The following PKD1L1 variants were observed in gnomAD, a reference collection of about 807,000 sequenced individuals.
The protein encoded by PKD1L1 is polycystin 1 like 1, transient receptor potential channel interacting.
In PKD1L1, 236 loss-of-function variants were observed where a neutral mutation model predicts 323.4. The ratio of observed to expected loss-of-function variants is 0.73; its 90% CI spans 0.66 to 0.81. The LOEUF is 0.81. Ranked by LOEUF, PKD1L1 falls within the 40% of genes least tolerant of loss-of-function variation. The probability of loss-of-function intolerance (pLI) is 0.00; values close to 1 mark genes in which losing one functional copy is unlikely to be tolerated. For missense variants in PKD1L1, 3,320 were observed against 3,508.0 expected (o/e 0.95, Z 1.35); for synonymous variants, 1,344 against 1,335.0 (o/e 1.01, Z -0.15).
chr7:47,908,551 G>A (rs767205224), intron 8 of PKD1L1, among the ~76,000 whole-genome samples: 17 of 152,120 alleles, frequency 1.1e-4, no homozygotes, highest in Non-Finnish European at 2.2e-4. Flanking sequence ...TGTGAATTAC[G>A]TTGCCAATCC....
chr7:47,834,324 T>A lies in PKD1L1; in HGVS notation c.6174+15A>T, dbSNP rs756178269. 6.2e-6 allele frequency: 10 copies of A among 1,611,340 alleles called. No individual in the cohort carries two copies. The highest frequency in any genetic ancestry group is 8.5e-6 in the Non-Finnish European group (10 of 1,177,778). The stretch of plus-strand genomic sequence containing the variant: ...ATGCTAGAAGATTAGCTGCTGCGCA[T>A]AATGATTGATTTACCTTGCGTGGCT... On this transcript the variant is annotated intron_variant, in intron 40 of 56. Transcript: ENST00000289672.
chr7:47,935,712 G>C (rs1787855835), intron 4 of PKD1L1, among the ~76,000 whole-genome samples: 1 of 152,198 alleles, frequency 6.6e-6, no homozygotes, highest in African/African-American at 2.4e-5. Flanking sequence ...CATGGTGCCA[G>C]CCACATGCTC....
In PKD1L1 at chr7:47,854,913, T is replaced by G; in HGVS notation, c.4828A>C (p.Thr1610Pro). The G allele has an allele frequency of 6.2e-7, 1 of 1,614,154 alleles. No homozygotes were observed. The highest frequency in any genetic ancestry group is 8.5e-7 in the Non-Finnish European group (1 of 1,180,034). The change falls in exon 30 of 57, where the codon ACA becomes CCA. Residue 1610 changes from threonine (T) to proline (P), a missense_variant. By Grantham distance (38) the Thr-to-Pro change is conservative. Coordinates refer to ENST00000289672, the MANE Select transcript of PKD1L1 (RefSeq NM_138295.5). Reference sequence around the variant, plus strand: ...AGCAACATGACGGGAAATGCCCTTGTAACAGGTTTGGAAAATTCAATTTCT... The same window carrying G: ...AGCAACATGACGGGAAATGCCCTTGGAACAGGTTTGGAAAATTCAATTTCT... ...QIEIEFSKPVTRAFPVMLLVR... is the reference protein window; with the variant it reads ...QIEIEFSKPVPRAFPVMLLVR...
chr7:47,819,873 C>A, intron 46 of PKD1L1: 2 of 241,550 alleles, frequency 8.3e-6, no homozygotes, highest in South Asian at 4.5e-5. Flanking sequence ...CTCACTTCTG[C>A]CAAAAAATCC....
At chr7:47,920,708 A>T (rs1198019931) in intron 7 of PKD1L1, among the ~76,000 whole-genome samples, 1 of 152,228 alleles carries the variant, frequency 6.6e-6, no homozygotes, top group Non-Finnish European at 1.5e-5. Flanking sequence ...AGACCAATGG[A>T]ACAGAATAGA....
In PKD1L1 at chr7:47,890,656, T is replaced by G. The variant is rs760186019; in HGVS notation, c.2561A>C (p.Gln854Pro). 3 of 1,614,114 alleles carry G rather than the reference T, an allele frequency of 1.9e-6. No individual in the cohort carries two copies. Residue 854 changes from glutamine (Q) to proline (P), a missense_variant, in exon 16 of 57, where the codon CAA becomes CCA. Transcript: ENST00000289672. ...CTGATCATAGCTGTCACTGAGCCAT[T>G]GTGCCTCAAAGGAAACAGTGGGAGC... ...AAAPTVSFEA[Q>P]WLSDSYDQFL...
intron 4 of PKD1L1, among the ~76,000 whole-genome samples, chr7:47,933,891 G>A (rs560771040): frequency 2.2e-4 from 33 of 152,248 alleles, no homozygotes; most frequent in African/African-American, 7.7e-4. Context: ...GCAGTCACTC[G>A]TGATGAGAGC....
At chr7:47,804,813 A>G (rs1011842504) in intron 52 of PKD1L1, among the ~76,000 whole-genome samples, 1 of 152,108 alleles carries the variant, frequency 6.6e-6, no homozygotes, top group Non-Finnish European at 1.5e-5. Flanking sequence ...TAAGTTTATG[A>G]AGTCCAGTGA....
intron 56 of PKD1L1, among the ~76,000 whole-genome samples, chr7:47,785,737 T>TTCC (rs1786790814): frequency 6.8e-6 from 1 of 146,966 alleles, no homozygotes; most frequent in Admixed American, 6.9e-5. Context: ...CGAGTTGATA[T>TTCC]TTCTTTCTTT....
At chr7:47,928,736 T>C (rs2128755044) in intron 7 of PKD1L1, among the ~76,000 whole-genome samples, 1 of 152,014 alleles carries the variant, frequency 6.6e-6, no homozygotes, top group South Asian at 2.1e-4. Flanking sequence ...ATGTAAAGAA[T>C]TTTTTCTTAC....
chr7:47,842,127 T>C (rs1294671737), intron 34 of PKD1L1, among the ~76,000 whole-genome samples: 1 of 152,226 alleles, frequency 6.6e-6, no homozygotes, highest in East Asian at 1.9e-4. Flanking sequence ...AAATCTTCCT[T>C]TGTTAGGTTA....
chr7:47,857,495 A>C, intron 28 of PKD1L1, 110 bp downstream of exon 28: 1 of 903,326 alleles, frequency 1.1e-6, no homozygotes, highest in Non-Finnish European at 1.7e-6. Flanking sequence ...GCAAACATGC[A>C]AAAAACAGGT....
Position 47,948,157 on chromosome 7 carries a change from T to C in PKD1L1, c.44+240A>G, listed in dbSNP as rs539095599. Reference sequence around the variant, plus strand: ...CAGGAAGAGCAATCAGCACTTCTCATGGCTGAAGGCATCCGCTTGGAGGAG... The same window carrying C: ...CAGGAAGAGCAATCAGCACTTCTCACGGCTGAAGGCATCCGCTTGGAGGAG... On this transcript the variant is annotated intron_variant, in intron 1 of 56. Transcript: ENST00000289672. Among the ~76,000 whole-genome samples the C allele has an allele frequency of 1.9e-3, 294 of 152,242 alleles. 2 individuals are homozygous for C. The highest frequency in any genetic ancestry group is 6.8e-3 in the Middle Eastern group (2 of 294).
chr7:47,837,046 G>A lies in PKD1L1; in HGVS notation c.5818C>T (p.Leu1940=). 1 of 1,614,180 alleles carries A rather than the reference G, an allele frequency of 6.2e-7. No homozygotes were observed. The highest frequency in any genetic ancestry group is 8.5e-7 in the Non-Finnish European group (1 of 1,180,038). ...TEYLEDFHVW[L]SVYSRPSSSR... is the part of the protein sequence containing the mutation. ...GAGGAGGGCCTGCTGTACACCGACA[G>A]CCAGACATGGAAATCCTCCAGGTAC... The change falls in exon 37 of 57, where the codon CTG becomes TTG. Residue 1940 remains leucine, a synonymous_variant. Transcript: ENST00000289672.
chr7:47,881,926 T>G lies in PKD1L1; in HGVS notation c.3425A>C (p.Gln1142Pro). 1 of 1,601,168 alleles carries G rather than the reference T, an allele frequency of 6.2e-7. No individual in the cohort carries two copies. Among genetic ancestry groups the G allele is most frequent in the Non-Finnish European group, 8.5e-7 (1 of 1,176,004 alleles). Residue 1142 changes from glutamine (Q) to proline (P), a missense_variant, in exon 20 of 57, where the codon CAA becomes CCA. Transcript: ENST00000289672. ...ATTCATACCTGAGGATGAATAGCCT[T>G]GGAAAACTGCTCGACCCAGCAGGGC... ...PKALLGRAVF[Q>P]GYSSSGITEQ...
chr7:47,857,905 G>A (rs767422471), intron 27 of PKD1L1, 73 bp from the exon 28 acceptor site: 1 of 1,430,558 alleles, frequency 7.0e-7, no homozygotes, highest in Non-Finnish European at 9.6e-7. Context: ...CAGACTAGGA[G>A]AGAGGGGAAA....
In PKD1L1 at chr7:47,875,993, G is replaced by T. The variant is rs1214867886; in HGVS notation, c.3784+104C>A. 6 of 1,290,660 alleles carry T rather than the reference G, an allele frequency of 4.6e-6. No individual in the cohort carries two copies. The African/African-American group carries it at 7.6e-5, about 16-fold the overall frequency. 80.0% of individuals were successfully genotyped at this position (1,290,660 alleles called of 1,614,324 possible). ...ACTGAAAAGCATTAAACTGATCAAG[G>T]TGATTTTATTTTCTAGACACAGTTT... On this transcript the variant is annotated intron_variant, in intron 23 of 56. Transcript: ENST00000289672.
chr7:47,873,993 T>G lies in PKD1L1; in HGVS notation c.3802A>C (p.Ile1268Leu). ...DNYKVMVSTE[I>L]TDGKGSKVQP... ...ACCTTGGAGCCTTTGCCATCTGTGA[T>G]TTCAGTGGAAACCATGACTGTGAGG... The change falls in exon 24 of 57, where the codon ATC becomes CTC. Residue 1268 changes from isoleucine (I) to leucine (L), a missense_variant. Physicochemically the swap from Ile to Leu is conservative, Grantham distance 5. Coordinates refer to ENST00000289672, the MANE Select transcript of PKD1L1 (RefSeq NM_138295.5). 1 of 1,612,220 alleles carries G rather than the reference T, an allele frequency of 6.2e-7. No homozygotes were observed. Among genetic ancestry groups the G allele is most frequent in the Non-Finnish European group, 8.5e-7 (1 of 1,178,510 alleles).
In PKD1L1 at chr7:47,807,187, G is replaced by A. The variant is rs2881919; in HGVS notation, c.7827+1060C>T. Among the ~76,000 whole-genome samples, 524 of 152,134 alleles carry A rather than the reference G, an allele frequency of 3.4e-3. 18 individuals are homozygous for A. In the East Asian group the frequency reaches 0.083, roughly 24 times the overall value. ...TGTATTCTTTCACTTCAGGAGAAAAGCCAAATCTTCTGCTTGGGCTCCTTT... is the reference window on the plus strand; with the variant it reads ...TGTATTCTTTCACTTCAGGAGAAAAACCAAATCTTCTGCTTGGGCTCCTTT... On this transcript the variant is annotated intron_variant, in intron 52 of 56. Coordinates refer to ENST00000289672, the MANE Select transcript of PKD1L1 (RefSeq NM_138295.5).
Sources: gnomAD v4.1 joint callset for allele counts (sites outside exome capture counted in the v4.1 genomes callset) on GRCh38, gnomAD v4.1.1 for gene constraint, MANE v1.5 for transcripts, NCBI Gene and HGNC (gene_info 2026-07-23, HGNC 2026-07-21) for gene names.